DRC11: variants seen among roughly 807,000 people sequenced by gnomAD.
The protein encoded by DRC11 is dynein regulatory complex subunit 11, also known as IQ and AAA domain-containing protein 1.
At chr2:236,400,191 G>A in the DRC11 span, among the ~76,000 whole-genome samples, 1 of 152,110 alleles carries the variant, frequency 6.6e-6, no homozygotes, top group Admixed American at 6.5e-5. The surrounding 1 kb of genome is among the most constrained non-coding windows in gnomAD (Gnocchi z 7.9). Context: ...CCTTCCTCTC[G>A]CTACCTGCCC....
At chr2:236,382,469 C>G in the DRC11 span, among the ~76,000 whole-genome samples, 24 of 152,122 alleles carry the variant, frequency 1.6e-4, no homozygotes, top group African/African-American at 5.6e-4. Flanking sequence ...ATAAATTTGT[C>G]TATGTCTACA....
At chr2:236,449,208 G>C in the DRC11 span, among the ~76,000 whole-genome samples, 1 of 152,196 alleles carries the variant, frequency 6.6e-6, no homozygotes, top group South Asian at 2.1e-4. This position sits in a 1 kb window ranked among gnomAD's most constrained non-coding sequence, Gnocchi z 5.1. Flanking sequence ...TAGGAAACTG[G>C]GACATAGATG....
the DRC11 span, among the ~76,000 whole-genome samples, chr2:236,396,539 A>G: frequency 6.6e-6 from 1 of 152,050 alleles, no homozygotes; most frequent in African/African-American, 2.4e-5. Flanking sequence ...TATTACACAA[A>G]AGGCGTGGAC....
chr2:236,358,363 T>C, the DRC11 span, among the ~76,000 whole-genome samples: 2 of 130,342 alleles, frequency 1.5e-5, no homozygotes, highest in Non-Finnish European at 3.3e-5. Flanking sequence ...TATGAATATA[T>C]AATATATAGA....
chr2:236,356,137 G>A, the DRC11 span, among the ~76,000 whole-genome samples: 1 of 151,958 alleles, frequency 6.6e-6, no homozygotes, highest in Non-Finnish European at 1.5e-5. Context: ...TCAGGGGCCA[G>A]GTCACCAAGC....
chr2:236,382,235 C>T, the DRC11 span, among the ~76,000 whole-genome samples: 2 of 152,182 alleles, frequency 1.3e-5, no homozygotes, highest in Non-Finnish European at 2.9e-5. Context: ...TTTGCACCTT[C>T]ATCAAAAGTC....
chr2:236,467,952 A>T, the DRC11 span, among the ~76,000 whole-genome samples: 1 of 152,238 alleles, frequency 6.6e-6, no homozygotes, highest in African/African-American at 2.4e-5. Flanking sequence ...CACAATGAAG[A>T]TGTCATTAAA....
At chr2:236,493,106 T>C in the DRC11 span, among the ~76,000 whole-genome samples, 2 of 152,172 alleles carry the variant, frequency 1.3e-5, no homozygotes, top group African/African-American at 2.4e-5. Flanking sequence ...CTCACAATCA[T>C]GGCAGAAGGT....
chr2:236,470,106 A>G, the DRC11 span, among the ~76,000 whole-genome samples: 21 of 152,340 alleles, frequency 1.4e-4, no homozygotes, highest in South Asian at 4.3e-3. The surrounding 1 kb of genome is among the most constrained non-coding windows in gnomAD (Gnocchi z 5.1). Context: ...ATAGGACTAC[A>G]TGGTCCATTA....
At chr2:236,442,581 G>T in the DRC11 span, among the ~76,000 whole-genome samples, 1 of 152,082 alleles carries the variant, frequency 6.6e-6, no homozygotes, top group Non-Finnish European at 1.5e-5. Context: ...GATTTGTCTC[G>T]TGCCTGGAAT....
At chr2:236,497,333 G>C in the DRC11 span, 5 of 1,613,902 alleles carry the variant, frequency 3.1e-6, no homozygotes, top group Non-Finnish European at 3.4e-6. This position sits in a 1 kb window ranked among gnomAD's most constrained non-coding sequence, Gnocchi z 5.1. Flanking sequence ...ACATTCTCTA[G>C]GTTTCTAAAG....
At chr2:236,357,248 ATATATC>A in the DRC11 span, among the ~76,000 whole-genome samples, 2 of 104,750 alleles carry the variant, frequency 1.9e-5, no homozygotes, top group Admixed American at 1.1e-4. Flanking sequence ...TTCATATAGT[ATATATC>A]TATATATTAT....
chr2:236,463,145 T>A, the DRC11 span, among the ~76,000 whole-genome samples: 1 of 152,202 alleles, frequency 6.6e-6, no homozygotes, highest in Non-Finnish European at 1.5e-5. The surrounding 1 kb of genome is among the most constrained non-coding windows in gnomAD (Gnocchi z 5.0). Context: ...ATTACTATGA[T>A]ATATTTCTAA....
the DRC11 span, among the ~76,000 whole-genome samples, chr2:236,486,448 C>T: frequency 6.6e-6 from 1 of 152,094 alleles, no homozygotes; most frequent in African/African-American, 2.4e-5. This position sits in a 1 kb window ranked among gnomAD's most constrained non-coding sequence, Gnocchi z 5.7. Flanking sequence ...ATCCACCTTT[C>T]CATCTCTATG....
chr2:236,368,177 G>A, the DRC11 span: 218 of 1,482,642 alleles, frequency 1.5e-4, 1 homozygote, highest in Non-Finnish European at 1.9e-4. Context: ...GCACATCCGC[G>A]CACGCCGAGT....
the DRC11 span, among the ~76,000 whole-genome samples, chr2:236,421,849 C>T: frequency 6.6e-6 from 1 of 152,318 alleles, no homozygotes; most frequent in South Asian, 2.1e-4. Context: ...CATCAAAAAG[C>T]TTATCCACCA....
the DRC11 span, among the ~76,000 whole-genome samples, chr2:236,500,082 AGATGATGATGAT>A: frequency 7.3e-5 from 11 of 150,592 alleles, no homozygotes; most frequent in South Asian, 8.4e-4. This position sits in a 1 kb window ranked among gnomAD's most constrained non-coding sequence, Gnocchi z 6.3. Flanking sequence ...TTTTGGGTTC[AGATGATGATGAT>A]GATGATGATG....
the DRC11 span, among the ~76,000 whole-genome samples, chr2:236,401,328 G>C: frequency 1.3e-5 from 2 of 152,160 alleles, no homozygotes; most frequent in African/African-American, 4.8e-5. The surrounding 1 kb of genome is among the most constrained non-coding windows in gnomAD (Gnocchi z 4.6). Flanking sequence ...TTCAGAGTCT[G>C]AACAGACCTC....
the DRC11 span, among the ~76,000 whole-genome samples, chr2:236,329,103 G>A: frequency 1.3e-5 from 2 of 152,192 alleles, no homozygotes; most frequent in African/African-American, 2.4e-5. Context: ...GAGTACCAAC[G>A]TGCCCTTCTC....
Sources: gnomAD v4.1 joint callset for allele counts (sites outside exome capture counted in the v4.1 genomes callset) on GRCh38, gnomAD v4.1.1 for gene constraint, Gnocchi (gnomAD v3.1) non-coding constraint, MANE v1.5 for transcripts, NCBI Gene and HGNC (gene_info 2026-07-23, HGNC 2026-07-21) for gene names.